The following IQCJ variants were observed in gnomAD, a reference collection of about 807,000 sequenced individuals.
IQCJ encodes the protein IQ domain-containing protein J.
A neutral mutation model predicts 11.0 loss-of-function variants in IQCJ; 9 were observed. That is an observed-to-expected ratio of 0.82 (90% CI 0.49 to 1.43). The LOEUF (loss-of-function observed/expected upper bound fraction) is 1.43. IQCJ is among the 40% of genes most tolerant of loss of function. IQCJ has a pLI of 0.00. For missense variants in IQCJ, 146 were observed against 133.2 expected (o/e 1.10, Z -0.47); for synonymous variants, 55 against 51.3 (o/e 1.07, Z -0.31).
At chr3:159,083,956 C>G (rs1394174611) in intron 1 of IQCJ, among the ~76,000 whole-genome samples, 3 of 151,974 alleles carry the variant, frequency 2.0e-5, no homozygotes, top group African/African-American at 7.2e-5. Context: ...AGGAGGGATC[C>G]TTGTGATGGA....
chr3:159,143,394 T>C (rs1231454520), intron 1 of IQCJ, among the ~76,000 whole-genome samples: 1 of 152,230 alleles, frequency 6.6e-6, no homozygotes, highest in Non-Finnish European at 1.5e-5. Context: ...CCTAGAAGAA[T>C]CTTTTTTCTC....
At chr3:159,070,922 A>G (rs1715520616) in intron 1 of IQCJ, among the ~76,000 whole-genome samples, 1 of 151,976 alleles carries the variant, frequency 6.6e-6, no homozygotes, top group South Asian at 2.1e-4. Context: ...TATATTGGCT[A>G]TTATTTTTGC....
intron 1 of IQCJ, among the ~76,000 whole-genome samples, chr3:159,080,105 A>C (rs1447350912): frequency 2.0e-5 from 3 of 152,012 alleles, no homozygotes; most frequent in African/African-American, 7.3e-5. Context: ...TCTTGCTGAC[A>C]CCAACTCCTA....
chr3:159,247,551 C>G (rs1353281533), intron 2 of IQCJ, among the ~76,000 whole-genome samples: 1 of 152,202 alleles, frequency 6.6e-6, no homozygotes, highest in Non-Finnish European at 1.5e-5. Flanking sequence ...GAAAACCCAG[C>G]AAGGCTGTCA....
At chr3:159,083,714 A>G (rs1157375902) in intron 1 of IQCJ, among the ~76,000 whole-genome samples, 3 of 152,186 alleles carry the variant, frequency 2.0e-5, no homozygotes, top group East Asian at 1.9e-4. Flanking sequence ...ACTCCAGTAT[A>G]CTTTAATGTG....
At chr3:159,113,173 G>C (rs1718739742) in intron 1 of IQCJ, among the ~76,000 whole-genome samples, 2 of 152,182 alleles carry the variant, frequency 1.3e-5, no homozygotes, top group Non-Finnish European at 2.9e-5. Flanking sequence ...GAGCCCTGGG[G>C]CTCCCACCTT....
chr3:159,165,199 G>T (rs1722095951), intron 1 of IQCJ, among the ~76,000 whole-genome samples: 2 of 152,106 alleles, frequency 1.3e-5, no homozygotes, highest in African/African-American at 4.8e-5. Flanking sequence ...GCATCACTAG[G>T]GACACATACC....
At chr3:159,266,240 A>G (rs1728483149), downstream of IQCJ, 1 of 152,096 alleles carries the variant, frequency 6.6e-6, no homozygotes, top group Non-Finnish European at 1.5e-5. Flanking sequence ...CCACTATATT[A>G]CTTGAAAAGA....
chr3:159,201,627 CTTTTTT>C (rs71144478), intron 1 of IQCJ, among the ~76,000 whole-genome samples: 1,642 of 70,266 alleles, frequency 0.023, 27 homozygotes, highest in African/African-American at 0.086. Context: ...GATAATGATT[CTTTTTT>C]TTTTTTTTTT....
chr3:159,130,913 C>T (rs564472251), intron 1 of IQCJ, among the ~76,000 whole-genome samples: 4 of 152,268 alleles, frequency 2.6e-5, no homozygotes, highest in South Asian at 2.1e-4. Context: ...TAATTATCAC[C>T]TATCTTTCAG....
At chr3:159,086,031 A>G (rs1716737534) in intron 1 of IQCJ, among the ~76,000 whole-genome samples, 1 of 152,158 alleles carries the variant, frequency 6.6e-6, no homozygotes, top group Admixed American at 6.5e-5. Flanking sequence ...GTTTTCTTCT[A>G]GGGTTTTTAT....
chr3:159,096,196 AC>A (rs1220848055), intron 1 of IQCJ, among the ~76,000 whole-genome samples: 2 of 121,648 alleles, frequency 1.6e-5, no homozygotes, highest in Non-Finnish European at 3.4e-5. Context: ...TCCTTCGCCC[AC>A]TTTTTGATGG....
At chr3:159,095,095 G>C (rs375993419) in intron 1 of IQCJ, among the ~76,000 whole-genome samples, 2 of 151,706 alleles carry the variant, frequency 1.3e-5, no homozygotes, top group African/African-American at 4.9e-5. Context: ...TTTTTCTATA[G>C]TTATTATTAT....
chr3:159,131,631 G>T (rs573351368), intron 1 of IQCJ, among the ~76,000 whole-genome samples: 19 of 152,138 alleles, frequency 1.2e-4, no homozygotes, highest in African/African-American at 4.3e-4. Context: ...GTCTACTGTT[G>T]TAAGTTTCTG....
intron 1 of IQCJ, among the ~76,000 whole-genome samples, chr3:159,242,565 G>A (rs1191218833): frequency 2.8e-5 from 3 of 106,860 alleles, no homozygotes; most frequent in Non-Finnish European, 5.9e-5. Flanking sequence ...CATGCCAGCT[G>A]AATCTTTTTT....
At chr3:159,136,827 G>A (rs1449171270) in intron 1 of IQCJ, among the ~76,000 whole-genome samples, 2 of 152,178 alleles carry the variant, frequency 1.3e-5, no homozygotes, top group African/African-American at 2.4e-5. Flanking sequence ...TCAGACTATA[G>A]CAAATCATTT....
intron 1 of IQCJ, among the ~76,000 whole-genome samples, chr3:159,082,086 A>G (rs1446489056): frequency 6.6e-6 from 1 of 152,122 alleles, no homozygotes; most frequent in African/African-American, 2.4e-5. Context: ...ATTTAGTTCA[A>G]ATGTTCATCA....
chr3:159,205,422 C>T (rs188434989), intron 1 of IQCJ, among the ~76,000 whole-genome samples: 3 of 152,288 alleles, frequency 2.0e-5, no homozygotes, highest in Non-Finnish European at 1.5e-5. Flanking sequence ...GTATCCAAGC[C>T]TCAATGTTCA....
chr3:159,255,559 G>A (rs1560044672), intron 3 of IQCJ, among the ~76,000 whole-genome samples: 1 of 152,194 alleles, frequency 6.6e-6, no homozygotes, highest in Non-Finnish European at 1.5e-5. Context: ...GCAATGCAAA[G>A]TATCAGTGGC....
Sources: allele counts gnomAD v4.1 joint callset (sites outside exome capture counted in the v4.1 genomes callset), GRCh38; gene constraint gnomAD v4.1.1; transcripts MANE v1.5; gene names NCBI Gene and HGNC (gene_info 2026-07-23, HGNC 2026-07-21).